CHMP6: variants seen among roughly 807,000 people sequenced by gnomAD.
CHMP6 encodes chromatin-modifying protein 6.
Under a neutral mutation model 32.8 loss-of-function variants are expected in CHMP6, and 10 were observed. The ratio of observed to expected loss-of-function variants is 0.30; its 90% CI spans 0.19 to 0.52. The LOEUF is 0.52. Among genes scored for constraint, CHMP6 ranks in the 20% least tolerant of loss-of-function variants. The pLI is 0.97. For missense variants in CHMP6, 269 were observed against 263.8 expected, an observed-to-expected ratio of 1.02 and a Z score of -0.14; for synonymous variants, 123 against 105.8, an observed-to-expected ratio of 1.16 and a Z score of -1.00.
At chr17:80,992,801 C>T (rs1225156065) in intron 1 of CHMP6, among the ~76,000 whole-genome samples, 5 of 152,220 alleles carry the variant, frequency 3.3e-5, no homozygotes, top group Non-Finnish European at 7.3e-5. Flanking sequence ...AAACGTGTCA[C>T]GAAAGAGACC....
chr17:80,996,193 A>G (rs2069636084), intron 4 of CHMP6, among the ~76,000 whole-genome samples: 1 of 152,042 alleles, frequency 6.6e-6, no homozygotes, highest in Non-Finnish European at 1.5e-5. Context: ...GGTGGCAGGC[A>G]CCTGTAAACC....
At position 80,999,224 on chromosome 17, in the gene CHMP6, C is replaced by G; in HGVS notation, c.*71C>G. 6.4e-7 allele frequency: 1 copy of G among 1,567,082 alleles called. No individual in the cohort carries two copies. Among genetic ancestry groups the G allele is most frequent in the Non-Finnish European group, 8.8e-7 (1 of 1,138,718 alleles). ...GGCCCACAGAGAGTTTGGGTCACGGCCAGCCCCTGACCGGGTTCCCTGGAG... is the reference window on the plus strand; with the variant it reads ...GGCCCACAGAGAGTTTGGGTCACGGGCAGCCCCTGACCGGGTTCCCTGGAG... On this transcript the variant is annotated 3_prime_UTR_variant, in exon 8 of 8. Coordinates refer to ENST00000325167, the MANE Select transcript of CHMP6 (RefSeq NM_024591.5).
chr17:80,998,183 G>A (rs1029967290), intron 6 of CHMP6, among the ~76,000 whole-genome samples, 183 bp from the exon 7 acceptor site: 1 of 152,210 alleles, frequency 6.6e-6, no homozygotes, highest in Non-Finnish European at 1.5e-5. Context: ...CCACCTAGGG[G>A]ATTCTGGTGG....
At chr17:80,998,536 G>A (rs975934354) in intron 7 of CHMP6, 116 bp downstream of exon 7, 33 of 1,582,884 alleles carry the variant, frequency 2.1e-5, no homozygotes, top group Non-Finnish European at 2.8e-5. Context: ...AAGCCCTGCT[G>A]CCTGGCTGTT....
intron 1 of CHMP6, 70 bp downstream of exon 1, chr17:80,992,051 C>G: frequency 8.9e-7 from 1 of 1,126,504 alleles, no homozygotes; most frequent in South Asian, 3.1e-5. Flanking sequence ...GCGGCGGGGC[C>G]GGAAGAGCCC....
At chr17:80,994,514 C>A (rs1166504175) in intron 1 of CHMP6, 67 bp from the exon 2 acceptor site, 9 of 1,412,474 alleles carry the variant, frequency 6.4e-6, no homozygotes, top group South Asian at 5.2e-5. Context: ...CCATGCCTGG[C>A]GCTCAGTAGC....
In CHMP6 at chr17:80,995,728, T is replaced by C. The variant is rs144419202; in HGVS notation, c.318T>C (p.Phe106=). 1,706 of 1,613,912 alleles carry C rather than the reference T, an allele frequency of 1.1e-3. 20 individuals carry two copies. The African/African-American group carries it at 0.019, about 18-fold the overall frequency. ...TGAAAGTGATGGAGGGGCTGCAGTT[T>C]GGAAATGAGTGTCTGAACAAGATGC... The part of the protein sequence containing the change: ...IEMKVMEGLQ[F]GNECLNKMHQ... The change falls in exon 4 of 8, where the codon TTT becomes TTC. Residue 106 remains phenylalanine (F), a synonymous_variant. Transcript: ENST00000325167.
chr17:80,995,418 C>T (rs1053925142), intron 3 of CHMP6, among the ~76,000 whole-genome samples: 1 of 152,104 alleles, frequency 6.6e-6, no homozygotes, highest in East Asian at 1.9e-4. Flanking sequence ...ACCCGAGCGG[C>T]GTGGTTCTGC....
At chr17:80,996,651 G>A (rs1394619487) in intron 4 of CHMP6, among the ~76,000 whole-genome samples, 1 of 152,254 alleles carries the variant, frequency 6.6e-6, no homozygotes, top group Non-Finnish European at 1.5e-5. Flanking sequence ...GCGGCTGTGA[G>A]AGCTGACTCA....
chr17:80,998,462 G>A, intron 7 of CHMP6, 42 bp downstream of exon 7: 4 of 1,613,898 alleles, frequency 2.5e-6, no homozygotes, highest in Non-Finnish European at 3.4e-6. Context: ...GGAATTCGCA[G>A]GAGAAAAGTG....
chr17:80,993,463 A>AG (rs1165849979), intron 1 of CHMP6, among the ~76,000 whole-genome samples: 4 of 151,992 alleles, frequency 2.6e-5, no homozygotes, highest in Non-Finnish European at 5.9e-5. Flanking sequence ...TGGCACGGCG[A>AG]GGGGGAGACT....
Position 80,994,640 on chromosome 17 carries a change from G to A in CHMP6, c.123G>A (p.Leu41=), listed in dbSNP as rs1222475373. The change falls in exon 2 of 8, where the codon CTG becomes CTA. Residue 41 remains leucine, a synonymous_variant. Transcript: ENST00000325167. ...RQYQKRIAQQ[L]ERERALARQL... ...ACCAGAAGAGGATCGCCCAGCAGCTGGAGCGCGAGCGCGCCCTGGCCCGGC... is the reference window on the plus strand; with the variant it reads ...ACCAGAAGAGGATCGCCCAGCAGCTAGAGCGCGAGCGCGCCCTGGCCCGGC... 3.2e-6 allele frequency: 5 copies of A among 1,586,634 alleles called. No homozygotes were observed. In the African/African-American group the frequency reaches 4.0e-5, roughly 13 times the overall value.
In CHMP6 at chr17:80,995,119, G is replaced by A. The variant is rs1417713063; in HGVS notation, c.261+13G>A. 3.1e-6 allele frequency: 5 copies of A among 1,591,486 alleles called. No individual in the cohort carries two copies. The South Asian group carries it at 4.6e-5, about 15-fold the overall frequency. Reference sequence around the variant, plus strand: ...CCTGGAGGCCATGGTAGGCGGCCGGGTGCTTCGCCCTGGAGTGCAGGTGCA... The same window carrying A: ...CCTGGAGGCCATGGTAGGCGGCCGGATGCTTCGCCCTGGAGTGCAGGTGCA... On this transcript the variant is annotated intron_variant, in intron 3 of 7. Coordinates refer to ENST00000325167, the MANE Select transcript of CHMP6 (RefSeq NM_024591.5).
chr17:80,997,438 G>A, intron 6 of CHMP6, 97 bp downstream of exon 6: 2 of 690,468 alleles, frequency 2.9e-6, no homozygotes, highest in Non-Finnish European at 4.4e-6. Flanking sequence ...TCTCGTATGT[G>A]GTGTCCTTTA....
chr17:80,993,896 A>C (rs1598438497), intron 1 of CHMP6, among the ~76,000 whole-genome samples: 1 of 150,622 alleles, frequency 6.6e-6, no homozygotes, highest in Non-Finnish European at 1.5e-5. Context: ...GGTACTCGCC[A>C]CCTGCATGTT....
At chr17:80,996,549 C>A (rs370902081) in intron 4 of CHMP6, among the ~76,000 whole-genome samples, 2 of 152,290 alleles carry the variant, frequency 1.3e-5, no homozygotes, top group Non-Finnish European at 2.9e-5. Context: ...TGGTGTGTGC[C>A]GGTCAAGCAC....
Position 80,999,254 on chromosome 17 carries a change from G to T in CHMP6, c.*101G>T, listed in dbSNP as rs1236110441. On this transcript the variant is annotated 3_prime_UTR_variant, in exon 8 of 8. Coordinates refer to ENST00000325167, the MANE Select transcript of CHMP6 (RefSeq NM_024591.5). ...CCCTGACCGGGTTCCCTGGAGCCCA[G>T]TGCGCACGGTGCTGAGCAGAGCTGC... The T allele has an allele frequency of 1.5e-6, 2 of 1,340,384 alleles. No individual in the cohort carries two copies. Among genetic ancestry groups the T allele is most frequent in the Non-Finnish European group, 2.1e-6 (2 of 939,592 alleles). The allele number at this position is 1,340,384 out of a possible 1,614,324, so 83.0% of individuals were successfully genotyped here.
At chr17:80,992,718 T>G (rs1260448226) in intron 1 of CHMP6, among the ~76,000 whole-genome samples, 1 of 152,138 alleles carries the variant, frequency 6.6e-6, no homozygotes, top group South Asian at 2.1e-4. Context: ...AAAGTTAGCT[T>G]CTGTAGGAGG....
chr17:80,994,300 C>T lies in CHMP6; in HGVS notation c.64-281C>T, dbSNP rs2144146740. On this transcript the variant is annotated intron_variant, in intron 1 of 7. Transcript: ENST00000325167. Reference sequence around the variant, plus strand: ...GCTGGCAGGCAGCCTCGAGGGTGGACCCACAGCAATGCCACGGTGGTCTTC... The same window carrying T: ...GCTGGCAGGCAGCCTCGAGGGTGGATCCACAGCAATGCCACGGTGGTCTTC... Among the ~76,000 whole-genome samples the T allele has an allele frequency of 3.3e-5, 5 of 152,314 alleles. No homozygotes were observed. The South Asian group carries it at 1.0e-3, about 32-fold the overall frequency.
Sources: gnomAD v4.1 joint callset for allele counts (sites outside exome capture counted in the v4.1 genomes callset) on GRCh38, gnomAD v4.1.1 for gene constraint, MANE v1.5 for transcripts, NCBI Gene and HGNC (gene_info 2026-07-23, HGNC 2026-07-21) for gene names.